IGF2BP2: variants seen among roughly 807,000 people sequenced by gnomAD.
IGF2BP2 encodes insulin like growth factor 2 mRNA binding protein 2.
Under a neutral mutation model 75.8 loss-of-function variants are expected in IGF2BP2, and 17 were observed. The observed-to-expected ratio is 0.22, with a 90% CI of 0.15 to 0.34. The LOEUF (loss-of-function observed/expected upper bound fraction) is 0.34. Among genes scored for constraint, IGF2BP2 ranks in the 10% least tolerant of loss-of-function variants. IGF2BP2 has a pLI of 1.00. For synonymous variants in IGF2BP2, 288 were observed against 295.6 expected, an observed-to-expected ratio of 0.97 and a Z score of 0.26; for missense variants, 516 against 772.4, an observed-to-expected ratio of 0.67 and a Z score of 3.93.
Position 185,821,223 on chromosome 3 carries a change from A to G in IGF2BP2, c.239+1930T>C. ...CAATCAGAAATGATGTAACTCCTCT[A>G]GAGCAGCAGCTTATGCATACATTTG... is the stretch of plus-strand genomic sequence containing the variant. On this transcript the variant is annotated intron_variant, in intron 2 of 15. Transcript: ENST00000382199. The G allele has an allele frequency of 3.6e-6, 4 of 1,100,424 alleles. No homozygotes were observed. The South Asian group carries it at 5.8e-5, about 16-fold the overall frequency. The allele number at this position is 1,100,424 out of a possible 1,614,324, so 68.2% of individuals were successfully genotyped here.
chr3:185,644,593 G>GT lies in IGF2BP2; in HGVS notation c.*937_*938insA, dbSNP rs199810700. The GT allele has an allele frequency of 6.9e-6, 1 of 144,428 alleles. No individual in the cohort carries two copies. Among genetic ancestry groups the GT allele is most frequent in the African/African-American group, 2.6e-5 (1 of 38,362 alleles). 8.9% of individuals were successfully genotyped at this position (144,428 alleles called of 1,614,324 possible). On this transcript the variant is annotated 3_prime_UTR_variant, in exon 16 of 16. Coordinates refer to ENST00000382199, the MANE Select transcript of IGF2BP2 (RefSeq NM_006548.6). ...TACTCAGAGCACTGCTTTGCCTGGG[G>GT]GGGGGGGGGTGCGTAGATACGGGAT...
rs1206254079 is a variant in IGF2BP2, at chr3:185,644,865, T to C, written c.*666A>G. The C allele has an allele frequency of 2.6e-5, 4 of 152,530 alleles. No individual in the cohort carries two copies. The highest frequency in any genetic ancestry group is 1.5e-5 in the Non-Finnish European group (1 of 68,030). The allele number at this position is 152,530 out of a possible 1,614,324, so 9.4% of individuals were successfully genotyped here. On this transcript the variant is annotated 3_prime_UTR_variant, in exon 16 of 16. Coordinates refer to ENST00000382199, the MANE Select transcript of IGF2BP2 (RefSeq NM_006548.6). Reference sequence around the variant, plus strand: ...ACAGGTGATCCAGAACTGCCGTGAGTGTCCTTCCGACGAGATTTCCCTCTG... The same window carrying C: ...ACAGGTGATCCAGAACTGCCGTGAGCGTCCTTCCGACGAGATTTCCCTCTG...
At chr3:185,755,421 G>A (rs1731492016) in intron 2 of IGF2BP2, among the ~76,000 whole-genome samples, 1 of 152,216 alleles carries the variant, frequency 6.6e-6, no homozygotes, top group Non-Finnish European at 1.5e-5. Flanking sequence ...GCTTGTATAG[G>A]AGCCCCCACA....
At chr3:185,767,747 G>A (rs145454360) in intron 2 of IGF2BP2, 1,638 of 154,198 alleles carry the variant, frequency 0.011, 29 homozygotes, top group African/African-American at 0.037. Flanking sequence ...GTGAAATTAT[G>A]GAATGTATTA....
chr3:185,673,932 A>C (rs1348884372), intron 9 of IGF2BP2, among the ~76,000 whole-genome samples: 1 of 152,236 alleles, frequency 6.6e-6, no homozygotes, highest in Admixed American at 6.5e-5. Context: ...AGATGTCAAG[A>C]ACCCACAGGA....
At chr3:185,689,052 C>T (rs1025237563) in intron 6 of IGF2BP2, 9 of 295,484 alleles carry the variant, frequency 3.0e-5, no homozygotes, top group South Asian at 5.9e-5. Flanking sequence ...TCCCGCAGAG[C>T]TCCAAACCTC....
intron 2 of IGF2BP2, among the ~76,000 whole-genome samples, chr3:185,708,819 A>G (rs758096832): frequency 6.6e-6 from 1 of 152,200 alleles, no homozygotes; most frequent in Non-Finnish European, 1.5e-5. Context: ...GAGTACAAAC[A>G]TGCATTTGGA....
intron 2 of IGF2BP2, among the ~76,000 whole-genome samples, chr3:185,764,135 A>T (rs965496336): frequency 1.3e-5 from 2 of 152,002 alleles, no homozygotes; most frequent in Non-Finnish European, 2.9e-5. Flanking sequence ...TTCTTAAAAA[A>T]TACTATTATA....
At chr3:185,745,025 AT>A (rs1730064504) in intron 2 of IGF2BP2, among the ~76,000 whole-genome samples, 1 of 152,198 alleles carries the variant, frequency 6.6e-6, no homozygotes, top group African/African-American at 2.4e-5. Context: ...AGAAAGTAAC[AT>A]CGTGTGGAGG....
intron 11 of IGF2BP2, among the ~76,000 whole-genome samples, 165 bp from the exon 12 acceptor site, chr3:185,657,567 T>C (rs1322439692): frequency 6.6e-6 from 1 of 152,222 alleles, no homozygotes; most frequent in Non-Finnish European, 1.5e-5. Context: ...CCTGCGGCTC[T>C]GCAGGTGTGA....
chr3:185,655,498 G>A (rs935324132), intron 12 of IGF2BP2, among the ~76,000 whole-genome samples: 7 of 152,194 alleles, frequency 4.6e-5, no homozygotes, highest in African/African-American at 1.7e-4. Flanking sequence ...GCTATGGAGC[G>A]AGGCAGGGGC....
At chr3:185,664,379 T>C (rs1716953788) in intron 10 of IGF2BP2, among the ~76,000 whole-genome samples, 1 of 152,184 alleles carries the variant, frequency 6.6e-6, no homozygotes. Flanking sequence ...GTAATTATGC[T>C]CTCTGTTGAA....
chr3:185,723,933 C>A (rs1227304946), intron 2 of IGF2BP2, among the ~76,000 whole-genome samples: 2 of 152,204 alleles, frequency 1.3e-5, no homozygotes, highest in Non-Finnish European at 2.9e-5. Flanking sequence ...TGGGAGGCAA[C>A]CGAAGCGGGT....
At chr3:185,704,923 G>A (rs1723804267) in intron 2 of IGF2BP2, among the ~76,000 whole-genome samples, 1 of 152,156 alleles carries the variant, frequency 6.6e-6, no homozygotes, top group Non-Finnish European at 1.5e-5. Context: ...AATGCATTAG[G>A]AAACGAAATG....
At chr3:185,823,070 G>T in intron 2 of IGF2BP2, 83 bp downstream of exon 2, 1 of 813,356 alleles carries the variant, frequency 1.2e-6, no homozygotes, top group Non-Finnish European at 1.9e-6. Context: ...ACTACCAAGA[G>T]CACGTTTTTT....
rs1346400548 is a variant in IGF2BP2 at position 185,803,952 on chromosome 3, T to C, written c.239+19201A>G. Among the ~76,000 whole-genome samples the C allele has an allele frequency of 5.9e-5, 9 of 151,940 alleles. No homozygotes were observed. In the East Asian group the frequency reaches 1.7e-3, roughly 29 times the overall value. On this transcript the variant is annotated intron_variant, in intron 2 of 15. Coordinates refer to ENST00000382199, the MANE Select transcript of IGF2BP2 (RefSeq NM_006548.6). Reference sequence around the variant, plus strand: ...CAGCCTGGCCAACATGGTGAAACCCTATCTCTACTAAAAGTACAAAAATTG... The same window carrying C: ...CAGCCTGGCCAACATGGTGAAACCCCATCTCTACTAAAAGTACAAAAATTG...
chr3:185,775,362 A>G (rs1734413747), intron 2 of IGF2BP2, among the ~76,000 whole-genome samples: 1 of 152,224 alleles, frequency 6.6e-6, no homozygotes, highest in African/African-American at 2.4e-5. Context: ...ATGATATCTT[A>G]TATGTGGCTA....
chr3:185,661,393 T>C (rs1314807253), intron 10 of IGF2BP2, among the ~76,000 whole-genome samples: 1 of 151,986 alleles, frequency 6.6e-6, no homozygotes, highest in African/African-American at 2.4e-5. Context: ...TCCTAGCACT[T>C]TGGGAGGCTG....
At chr3:185,764,364 A>ATGT (rs1732776323) in intron 2 of IGF2BP2, among the ~76,000 whole-genome samples, 1 of 152,130 alleles carries the variant, frequency 6.6e-6, no homozygotes, top group Admixed American at 6.5e-5. Flanking sequence ...CGAAGCACAA[A>ATGT]GTGGCTTCCT....
Sources: gnomAD v4.1 joint callset for allele counts (sites outside exome capture counted in the v4.1 genomes callset) on GRCh38, gnomAD v4.1.1 for gene constraint, MANE v1.5 for transcripts, NCBI Gene and HGNC (gene_info 2026-07-23, HGNC 2026-07-21) for gene names.